SPAG16: variants seen among roughly 807,000 people sequenced by gnomAD.
The protein encoded by SPAG16 is sperm-associated antigen 16 protein.
Under a neutral mutation model 80.4 loss-of-function variants are expected in SPAG16, and 86 were observed. That is an observed-to-expected ratio of 1.07 (90% CI 0.90 to 1.28). SPAG16 has a LOEUF of 1.28. SPAG16 is among the 50% of genes most tolerant of loss of function. The pLI is 0.00. For missense variants in SPAG16, 870 were observed against 765.3 expected (o/e 1.14, Z -1.61); for synonymous variants, 294 against 265.9 (o/e 1.11, Z -1.03).
chr2:214,118,789 A>G (rs2054073941), intron 14 of SPAG16, among the ~76,000 whole-genome samples: 1 of 145,424 alleles, frequency 6.9e-6, no homozygotes, highest in East Asian at 1.9e-4. Flanking sequence ...GCCCAAAGTG[A>G]TCTACAAATT....
chr2:213,415,466 A>C (rs913709260), intron 9 of SPAG16, among the ~76,000 whole-genome samples: 2 of 152,232 alleles, frequency 1.3e-5, no homozygotes, highest in African/African-American at 4.8e-5. Flanking sequence ...GGACTCAATG[A>C]TGCCAAGTTG....
In SPAG16 at chr2:213,339,380, T is replaced by C. The variant is rs539840196; in HGVS notation, c.537-783T>C. On this transcript the variant is annotated intron_variant, in intron 5 of 15. Transcript: ENST00000331683. ...TGACAGTGTCAATGCTGTAGCACTT[T>C]GTCAGTTATCTGAGGCTGAGAACTA... Among the ~76,000 whole-genome samples, 3 of 152,360 alleles carry C rather than the reference T, an allele frequency of 2.0e-5. No individual in the cohort carries two copies. In the East Asian group the frequency reaches 5.8e-4, roughly 29 times the overall value.
intron 5 of SPAG16, among the ~76,000 whole-genome samples, chr2:213,323,972 A>G (rs2126158183): frequency 6.6e-6 from 1 of 152,294 alleles, no homozygotes; most frequent in East Asian, 1.9e-4. Flanking sequence ...AGGGGATGAC[A>G]GGAGAGGAAG....
At chr2:214,328,099 CTTATA>C (rs1696623350) in intron 15 of SPAG16, among the ~76,000 whole-genome samples, 1 of 151,156 alleles carries the variant, frequency 6.6e-6, no homozygotes, top group Admixed American at 6.6e-5. Flanking sequence ...TCATTCTGAA[CTTATA>C]TTGTACAGTT....
At chr2:214,030,373 A>G (rs549732247) in intron 13 of SPAG16, among the ~76,000 whole-genome samples, 12 of 152,278 alleles carry the variant, frequency 7.9e-5, no homozygotes, top group Admixed American at 2.0e-4. Context: ...TCCCATGTTC[A>G]TTACAGCATT....
chr2:213,667,433 A>G (rs1399457624), intron 10 of SPAG16, among the ~76,000 whole-genome samples: 1 of 152,176 alleles, frequency 6.6e-6, no homozygotes, highest in Non-Finnish European at 1.5e-5. Flanking sequence ...GGGTTCCTCA[A>G]TTGTAAGATG....
chr2:214,149,337 T>G (rs965401574), intron 15 of SPAG16, 71 bp downstream of exon 15: 1 of 1,325,966 alleles, frequency 7.5e-7, no homozygotes, highest in Non-Finnish European at 9.8e-7. Context: ...ACTATTTTGT[T>G]TCTCCTTAAA....
At chr2:214,091,263 T>C (rs1470098672) in intron 13 of SPAG16, among the ~76,000 whole-genome samples, 1 of 152,156 alleles carries the variant, frequency 6.6e-6, no homozygotes, top group East Asian at 1.9e-4. Flanking sequence ...TACATTATTA[T>C]TTCATTTATT....
At chr2:213,527,297 T>C (rs1293325235) in intron 10 of SPAG16, among the ~76,000 whole-genome samples, 2 of 152,204 alleles carry the variant, frequency 1.3e-5, no homozygotes, top group Non-Finnish European at 2.9e-5. Flanking sequence ...GTGTTACCCC[T>C]ACAAGCTGCT....
At chr2:214,182,655 T>C (rs986945405) in intron 15 of SPAG16, among the ~76,000 whole-genome samples, 1 of 151,936 alleles carries the variant, frequency 6.6e-6, no homozygotes, top group African/African-American at 2.4e-5. Context: ...AAGCTAGAGA[T>C]ATACAAGATA....
intron 15 of SPAG16, among the ~76,000 whole-genome samples, chr2:214,200,280 AG>A (rs1373460489): frequency 6.6e-6 from 1 of 152,080 alleles, no homozygotes; most frequent in African/African-American, 2.4e-5. Flanking sequence ...AATGTCGTTG[AG>A]GGTTTTGATC....
At chr2:213,782,883 T>G (rs1205412888) in intron 10 of SPAG16, among the ~76,000 whole-genome samples, 1 of 149,388 alleles carries the variant, frequency 6.7e-6, no homozygotes, top group Non-Finnish European at 1.5e-5. Context: ...CTCATTTAAC[T>G]CTGGGTGCTT....
At chr2:213,598,121 T>C (rs2124957702) in intron 10 of SPAG16, among the ~76,000 whole-genome samples, 1 of 152,330 alleles carries the variant, frequency 6.6e-6, no homozygotes, top group East Asian at 1.9e-4. Context: ...CCCCAATTAT[T>C]TCTGTAATCT....
chr2:213,841,253 A>G (rs190073475), intron 10 of SPAG16, among the ~76,000 whole-genome samples: 2 of 152,308 alleles, frequency 1.3e-5, no homozygotes, highest in Admixed American at 1.3e-4. Context: ...CAATGAACAC[A>G]TAGAAAGACT....
intron 9 of SPAG16, among the ~76,000 whole-genome samples, chr2:213,478,410 G>A (rs1400457052): frequency 2.0e-5 from 3 of 152,140 alleles, no homozygotes; most frequent in African/African-American, 4.8e-5. Context: ...TATCAATGTA[G>A]CAGTATATGT....
chr2:213,691,965 T>G (rs1281660049), intron 10 of SPAG16, among the ~76,000 whole-genome samples: 4 of 152,178 alleles, frequency 2.6e-5, no homozygotes, highest in Non-Finnish European at 5.9e-5. Context: ...TGATCACAAA[T>G]TTACTCAAAT....
chr2:213,384,376 A>G (rs578083551), intron 9 of SPAG16, among the ~76,000 whole-genome samples: 79 of 152,312 alleles, frequency 5.2e-4, no homozygotes, highest in Non-Finnish European at 1.0e-3. Flanking sequence ...TTAAATGACC[A>G]TCAGATGGGT....
chr2:214,171,924 T>C (rs1056609100), intron 15 of SPAG16, among the ~76,000 whole-genome samples: 6 of 151,942 alleles, frequency 3.9e-5, no homozygotes, highest in South Asian at 2.1e-4. Context: ...TACATATAGA[T>C]AAATGGTTAC....
chr2:213,721,234 G>C (rs1487763937), intron 10 of SPAG16, among the ~76,000 whole-genome samples: 1 of 152,020 alleles, frequency 6.6e-6, no homozygotes, highest in Non-Finnish European at 1.5e-5. Flanking sequence ...GAGTAGCTGG[G>C]ATTAAAGGCA....
Sources: gnomAD v4.1 joint callset for allele counts (sites outside exome capture counted in the v4.1 genomes callset) on GRCh38, gnomAD v4.1.1 for gene constraint, MANE v1.5 for transcripts, NCBI Gene and HGNC (gene_info 2026-07-23, HGNC 2026-07-21) for gene names.